The following DPP6 variants were observed in gnomAD, a reference collection of about 807,000 sequenced individuals.
The protein encoded by DPP6 is dipeptidyl peptidase like 6.
Under a neutral mutation model 122.6 loss-of-function variants are expected in DPP6, and 69 were observed. The observed-to-expected ratio is 0.56, with a 90% CI of 0.46 to 0.69. The LOEUF (loss-of-function observed/expected upper bound fraction) is 0.69. DPP6 is among the 30% of genes least tolerant of loss of function. The pLI, the probability that DPP6 is intolerant of heterozygous loss-of-function variation, is 0.00. For synonymous variants in DPP6, 418 were observed against 433.1 expected, an observed-to-expected ratio of 0.97 and a Z score of 0.43; for missense variants, 928 against 1,116.9, an observed-to-expected ratio of 0.83 and a Z score of 2.41.
chr7:154,314,947 C>T lies in DPP6; in HGVS notation c.244-131267C>T, dbSNP rs941537894. On this transcript the variant is annotated intron_variant, in intron 1 of 25. Transcript: ENST00000377770. ...TCCTCCAGGTAAATCAAACCTACTG[C>T]GGTTTTTCCTCTTCACATCTCATGG... Among the ~76,000 whole-genome samples, 8 of 152,296 alleles carry T rather than the reference C, an allele frequency of 5.3e-5. No homozygotes were observed. The South Asian group carries it at 1.2e-3, about 24-fold the overall frequency.
At chr7:154,121,637 C>T (rs562515945) in intron 1 of DPP6, among the ~76,000 whole-genome samples, 3 of 152,316 alleles carry the variant, frequency 2.0e-5, no homozygotes, top group East Asian at 1.9e-4. Context: ...CAGAAAAAGA[C>T]ACTTTGTGTG....
intron 1 of DPP6, among the ~76,000 whole-genome samples, chr7:154,219,976 TGTAGACCATTG>T (rs1800212402): frequency 6.6e-6 from 1 of 152,240 alleles, no homozygotes; most frequent in African/African-American, 2.4e-5. Context: ...TGTCTGTCCC[TGTAGACCATTG>T]GTTGCCTTGC....
intron 6 of DPP6, among the ~76,000 whole-genome samples, chr7:154,664,180 T>C (rs1837987495): frequency 1.3e-5 from 2 of 151,938 alleles, no homozygotes; most frequent in Non-Finnish European, 2.9e-5. Context: ...CTATGGCATA[T>C]TGGCGCTAGT....
At chr7:154,180,459 T>G (rs1367734911) in intron 1 of DPP6, among the ~76,000 whole-genome samples, 2 of 144,936 alleles carry the variant, frequency 1.4e-5, no homozygotes, top group Admixed American at 1.4e-4. Context: ...ATATTATATA[T>G]AGATATATAT....
At chr7:153,787,995 A>G in the DPP6 span, among the ~76,000 whole-genome samples, 1 of 152,174 alleles carries the variant, frequency 6.6e-6, no homozygotes, top group Admixed American at 6.5e-5. Flanking sequence ...TCCTCATCAG[A>G]CTGGCTAGAC....
At chr7:154,455,679 G>A (rs541944907) in intron 2 of DPP6, among the ~76,000 whole-genome samples, 1 of 152,162 alleles carries the variant, frequency 6.6e-6, no homozygotes, top group South Asian at 2.1e-4. Context: ...GGTGCATCTC[G>A]CTTATTTATG....
chr7:154,012,017 G>A (rs576741489), intron 1 of DPP6, among the ~76,000 whole-genome samples: 1 of 152,166 alleles, frequency 6.6e-6, no homozygotes, highest in Admixed American at 6.5e-5. Context: ...ACTTTCATAT[G>A]TAATATCTTT....
chr7:154,610,085 A>T (rs968050917), intron 5 of DPP6, among the ~76,000 whole-genome samples: 1 of 152,190 alleles, frequency 6.6e-6, no homozygotes, highest in Non-Finnish European at 1.5e-5. Flanking sequence ...GGTATGTTCT[A>T]TGAAACAAAA....
rs180877820 is a variant in DPP6, at chr7:154,130,857, G to T, written c.243+77794G>T. ...AAAGCAAGAGTAGCCCCTGCAAGAC[G>T]CCAAAACAACTACGGAGCAGATCAC... is the stretch of plus-strand genomic sequence containing the variant. On this transcript the variant is annotated intron_variant, in intron 1 of 25. Coordinates refer to ENST00000377770, the MANE Select transcript of DPP6 (RefSeq NM_130797.4). Among the ~76,000 whole-genome samples, 643 of 152,200 alleles carry T rather than the reference G, an allele frequency of 4.2e-3. 8 individuals are homozygous for T. Among genetic ancestry groups the T allele is most frequent in the African/African-American group, 0.015 (603 of 41,472 alleles).
chr7:154,644,404 C>T lies in DPP6; in HGVS notation c.680+6531C>T, dbSNP rs543098188. 7.2e-5 allele frequency among the ~76,000 whole-genome samples: 11 copies of T among 152,302 alleles called. No homozygotes were observed. The East Asian group carries it at 2.1e-3, about 29-fold the overall frequency. On this transcript the variant is annotated intron_variant, in intron 6 of 25. Transcript: ENST00000377770. ...ATTAAATCTGTGGCAGCCTGGGCTC[C>T]TTGTGAGTTGAGCCTGGTGCCATCC...
At chr7:154,593,953 G>A (rs1439594716) in intron 5 of DPP6, among the ~76,000 whole-genome samples, 1 of 152,214 alleles carries the variant, frequency 6.6e-6, no homozygotes, top group Admixed American at 6.5e-5. Flanking sequence ...ATTCTATGAT[G>A]TGAGTAATCT....
At chr7:154,365,414 A>G (rs931384417) in intron 1 of DPP6, among the ~76,000 whole-genome samples, 3 of 152,346 alleles carry the variant, frequency 2.0e-5, no homozygotes, top group Admixed American at 1.3e-4. Context: ...AAGCTGAGAA[A>G]CAAAGAACCG....
intron 1 of DPP6, among the ~76,000 whole-genome samples, chr7:153,954,701 G>A (rs1487033429): frequency 3.9e-5 from 6 of 152,154 alleles, no homozygotes; most frequent in African/African-American, 1.4e-4. Flanking sequence ...TAGAGCAAAA[G>A]ACTGACCGCC....
At chr7:154,217,654 C>A (rs1800077620) in intron 1 of DPP6, among the ~76,000 whole-genome samples, 1 of 152,190 alleles carries the variant, frequency 6.6e-6, no homozygotes, top group Admixed American at 6.5e-5. Context: ...CAGGCTAGTG[C>A]AAATAAGGTG....
the DPP6 span, among the ~76,000 whole-genome samples, chr7:153,782,935 G>A: frequency 5.3e-5 from 8 of 152,166 alleles, no homozygotes; most frequent in African/African-American, 1.4e-4. Context: ...CGCCATGTGC[G>A]ATACTTGTAT....
At chr7:153,996,580 T>C (rs1045923998) in intron 1 of DPP6, among the ~76,000 whole-genome samples, 5 of 151,798 alleles carry the variant, frequency 3.3e-5, no homozygotes, top group African/African-American at 1.2e-4. Context: ...TATTATAAAC[T>C]ATTTGTTTAG....
In DPP6 at chr7:154,529,338, C is replaced by T. The variant is rs571352627; in HGVS notation, c.458-11194C>T. 9.2e-5 allele frequency among the ~76,000 whole-genome samples: 14 copies of T among 152,276 alleles called. 1 individual carries two copies. The East Asian group carries it at 2.7e-3, about 30-fold the overall frequency. ...CAGCTAAAGAGCTTAAACATCTTCACTAACAACACTAACAACAAAGCTGCT... is the reference window on the plus strand; with the variant it reads ...CAGCTAAAGAGCTTAAACATCTTCATTAACAACACTAACAACAAAGCTGCT... On this transcript the variant is annotated intron_variant, in intron 3 of 25. Transcript: ENST00000377770.
In DPP6 at chr7:154,727,779, G is replaced by T. The variant is rs1842137213; in HGVS notation, c.775G>T (p.Glu259Ter). 1 of 1,610,458 alleles carries T rather than the reference G, an allele frequency of 6.2e-7. No homozygotes were observed. Among genetic ancestry groups the T allele is most frequent in the Non-Finnish European group, 8.5e-7 (1 of 1,177,900 alleles). ...CTTTCCAAATTAGATATTTATTTTT[G>T]AAAACAATATCTACTACTGTGCACA... ...PKGQQLIFIF[E>*]NNIYYCAHVG... Residue 259 changes from glutamate to a stop codon, truncating the protein, a stop_gained, in exon 8 of 26, where the codon GAA becomes TAA. Coordinates refer to ENST00000377770, the MANE Select transcript of DPP6 (RefSeq NM_130797.4). LOFTEE classifies it high-confidence loss of function.
intron 1 of DPP6, among the ~76,000 whole-genome samples, chr7:153,934,715 C>T (rs1254584470): frequency 1.3e-5 from 2 of 152,148 alleles, no homozygotes; most frequent in African/African-American, 2.4e-5. Flanking sequence ...TCTAGGACCA[C>T]AGAGACAGCA....
Sources: gnomAD v4.1 joint callset for allele counts (sites outside exome capture counted in the v4.1 genomes callset) on GRCh38, gnomAD v4.1.1 for gene constraint, MANE v1.5 for transcripts, NCBI Gene and HGNC (gene_info 2026-07-23, HGNC 2026-07-21) for gene names.